BCAS3: variants seen among roughly 807,000 people sequenced by gnomAD.
BCAS3 encodes the protein BCAS4/BCAS3 fusion.
BCAS3 carries 53 observed loss-of-function variants against 116.1 expected under a neutral mutation model. That is an observed-to-expected ratio of 0.46 (90% CI 0.37 to 0.57). The LOEUF (loss-of-function observed/expected upper bound fraction) is 0.57, where lower values mean the gene tolerates loss of function less well. BCAS3 is among the 20% of genes least tolerant of loss of function. The pLI, the probability that BCAS3 is intolerant of heterozygous loss-of-function variation, is 0.00. For missense variants in BCAS3, 917 were observed against 1,165.4 expected, an observed-to-expected ratio of 0.79 and a Z score of 3.10; for synonymous variants, 391 against 408.2, an observed-to-expected ratio of 0.96 and a Z score of 0.51.
chr17:61,256,005 G>A lies in BCAS3; in HGVS notation c.2426-112322G>A, dbSNP rs2048750793. ...TCGTCAAACTGACAAGTTATTTTCT[G>A]AAACTCCGAGTCATAATTGTACCAT... On this transcript the variant is annotated intron_variant, in intron 22 of 23. Transcript: ENST00000407086. The surrounding 1 kb of genome is among the most constrained non-coding windows in gnomAD (Gnocchi z 5.6). Among the ~76,000 whole-genome samples the A allele has an allele frequency of 6.6e-6, 1 of 152,140 alleles. No homozygotes were observed. Among genetic ancestry groups the A allele is most frequent in the African/African-American group, 2.4e-5 (1 of 41,440 alleles).
chr17:61,310,796 C>T (rs754355466), intron 22 of BCAS3, among the ~76,000 whole-genome samples: 1 of 151,936 alleles, frequency 6.6e-6, no homozygotes, highest in African/African-American at 2.4e-5. Context: ...TGATAAAAAC[C>T]GTGATAGAAA....
intron 13 of BCAS3, among the ~76,000 whole-genome samples, chr17:60,942,271 C>CA (rs2060261757): frequency 6.6e-6 from 1 of 151,972 alleles, no homozygotes; most frequent in Non-Finnish European, 1.5e-5. Flanking sequence ...TATCAAAATA[C>CA]AAAAAATTAG....
At chr17:61,108,189 C>T (rs968202224) in intron 22 of BCAS3, among the ~76,000 whole-genome samples, 1 of 152,090 alleles carries the variant, frequency 6.6e-6, no homozygotes, top group Non-Finnish European at 1.5e-5. Context: ...TGGTAATTTT[C>T]TTTTCTCTAA....
At chr17:61,330,320 G>A (rs1017246610) in intron 22 of BCAS3, among the ~76,000 whole-genome samples, 5 of 148,786 alleles carry the variant, frequency 3.4e-5, no homozygotes, top group African/African-American at 1.2e-4. Flanking sequence ...GTACAGTGGC[G>A]CAATCACGGC....
intron 21 of BCAS3, among the ~76,000 whole-genome samples, chr17:61,079,442 T>C (rs1001917990): frequency 1.6e-4 from 24 of 152,160 alleles, no homozygotes; most frequent in African/African-American, 5.3e-4. Flanking sequence ...TTAGAAAATA[T>C]GACACATATT....
intron 14 of BCAS3, among the ~76,000 whole-genome samples, chr17:60,954,279 T>C (rs2061003625): frequency 6.6e-6 from 1 of 152,220 alleles, no homozygotes; most frequent in African/African-American, 2.4e-5. Flanking sequence ...TGTAGTATAG[T>C]TTGAAGTCAG....
At chr17:60,958,636 C>T (rs1210458959) in intron 14 of BCAS3, among the ~76,000 whole-genome samples, 10 of 152,280 alleles carry the variant, frequency 6.6e-5, no homozygotes, top group South Asian at 2.1e-4. Flanking sequence ...TCCATAGACT[C>T]GATGTAATCT....
At chr17:61,330,973 T>C (rs1228094228) in intron 22 of BCAS3, among the ~76,000 whole-genome samples, 1 of 152,240 alleles carries the variant, frequency 6.6e-6, no homozygotes, top group African/African-American at 2.4e-5. Flanking sequence ...AAAGGGCCTC[T>C]CTGGGCGGTG....
rs140500518 is a variant in BCAS3 at position 61,101,429 on chromosome 17, A to G, written c.2425+16865A>G. ...TACCAGTGTTTGAAACTCACAATTC[A>G]CTCTATAGTGGGGAGTGGGGGAGTG... On this transcript the variant is annotated intron_variant, in intron 22 of 23. Coordinates refer to ENST00000407086, the MANE Select transcript of BCAS3 (RefSeq NM_017679.5). Among the ~76,000 whole-genome samples, 1,166 of 151,996 alleles carry G rather than the reference A, an allele frequency of 7.7e-3. 44 individuals are homozygous for G. The highest frequency in any genetic ancestry group is 0.053 in the Admixed American group (812 of 15,234).
chr17:61,243,078 A>AT lies in BCAS3; in HGVS notation c.2426-125244dup, dbSNP rs2144510495. 1.3e-5 allele frequency among the ~76,000 whole-genome samples: 2 copies of AT among 151,970 alleles called. No individual in the cohort carries two copies. The highest frequency in any genetic ancestry group is 4.2e-4 in the South Asian group (2 of 4,812). On this transcript the variant is annotated intron_variant, in intron 22 of 23. Transcript: ENST00000407086. This position sits in a 1 kb window ranked among gnomAD's most constrained non-coding sequence, Gnocchi z 5.6. ...AGGCGCGCACCACCACACCCATCTA[A>AT]TTTTTGTATTTTTAGTAGAGATGGG... is the stretch of plus-strand genomic sequence containing the variant.
At chr17:60,879,586 A>G (rs139751062) in intron 9 of BCAS3, among the ~76,000 whole-genome samples, 1 of 152,350 alleles carries the variant, frequency 6.6e-6, no homozygotes, top group African/African-American at 2.4e-5. Flanking sequence ...ACAAAGACCG[A>G]TAGATGTCAT....
At chr17:61,195,656 G>A (rs2080435937) in intron 22 of BCAS3, among the ~76,000 whole-genome samples, 1 of 151,382 alleles carries the variant, frequency 6.6e-6, no homozygotes, top group African/African-American at 2.4e-5. Context: ...GGATTACAAA[G>A]GTGTGAGCCA....
At chr17:61,107,553 T>G (rs1232619592) in intron 22 of BCAS3, among the ~76,000 whole-genome samples, 1 of 152,226 alleles carries the variant, frequency 6.6e-6, no homozygotes, top group Non-Finnish European at 1.5e-5. Flanking sequence ...TACTAATCTA[T>G]TCATCTCTAT....
At position 60,946,845 on chromosome 17, in the gene BCAS3, C is replaced by T. The variant is rs73322725; in HGVS notation, c.1088-374C>T. On this transcript the variant is annotated intron_variant, in intron 13 of 23. Coordinates refer to ENST00000407086, the MANE Select transcript of BCAS3 (RefSeq NM_017679.5). The stretch of plus-strand genomic sequence containing the variant: ...AGGATCTCTTGAGCCCAGGAATTTG[C>T]GGCTGCAGTGAGCTGTGATCAGGCA... Among the ~76,000 whole-genome samples the T allele has an allele frequency of 1.4e-4, 21 of 152,016 alleles. No homozygotes were observed. The South Asian group carries it at 3.5e-3, about 26-fold the overall frequency.
chr17:61,294,886 G>A (rs961994722), intron 22 of BCAS3, among the ~76,000 whole-genome samples: 7 of 152,096 alleles, frequency 4.6e-5, no homozygotes, highest in East Asian at 3.8e-4. Context: ...TCTTTGCCCC[G>A]AAGTCAGCCC....
intron 5 of BCAS3, among the ~76,000 whole-genome samples, chr17:60,729,045 G>T (rs1014067852): frequency 7.9e-5 from 12 of 152,146 alleles, no homozygotes; most frequent in African/African-American, 2.4e-4. Context: ...TATTAGTTTT[G>T]CATGCATTGA....
chr17:61,079,836 T>TCCTC (rs1416241692), intron 21 of BCAS3, among the ~76,000 whole-genome samples: 8 of 150,784 alleles, frequency 5.3e-5, no homozygotes, highest in East Asian at 2.0e-4. Context: ...CCTCAAGTGA[T>TCCTC]CCTCCCGCCT....
chr17:60,848,374 A>C (rs2052715175), intron 7 of BCAS3, among the ~76,000 whole-genome samples: 1 of 152,170 alleles, frequency 6.6e-6, no homozygotes, highest in African/African-American at 2.4e-5. Context: ...TTATGAATGG[A>C]ACTGTTTTCT....
chr17:60,925,585 T>C lies in BCAS3; in HGVS notation c.1087+1085T>C, dbSNP rs142626389. 3.9e-5 allele frequency among the ~76,000 whole-genome samples: 6 copies of C among 152,316 alleles called. No individual in the cohort carries two copies. The East Asian group carries it at 1.2e-3, about 29-fold the overall frequency. On this transcript the variant is annotated intron_variant, in intron 13 of 23. Coordinates refer to ENST00000407086, the MANE Select transcript of BCAS3 (RefSeq NM_017679.5). ...TGAAGGTTGTAGAATGGTGGGTTGT[T>C]TTCTTAATTCTGTCCTGGTCTCTGC...
Sources: gnomAD v4.1 joint callset for allele counts (sites outside exome capture counted in the v4.1 genomes callset) on GRCh38, gnomAD v4.1.1 for gene constraint, Gnocchi (gnomAD v3.1) non-coding constraint, MANE v1.5 for transcripts, NCBI Gene and HGNC (gene_info 2026-07-23, HGNC 2026-07-21) for gene names.